Variants in AKAP19 observed in about 807,000 individuals in gnomAD.
AKAP19 encodes the protein A-kinase anchoring protein 19, also known as small A-kinase anchoring protein.
chr2:189,967,224 A>G, the AKAP19 span, among the ~76,000 whole-genome samples: 1 of 152,220 alleles, frequency 6.6e-6, no homozygotes, highest in Non-Finnish European at 1.5e-5. Context: ...CAGAGAAACA[A>G]GATAGAAGAA....
the AKAP19 span, among the ~76,000 whole-genome samples, chr2:190,084,609 A>G: frequency 2.0e-5 from 3 of 152,214 alleles, no homozygotes; most frequent in African/African-American, 7.2e-5. Context: ...TACAGACTAA[A>G]CAACTGAGAT....
At chr2:190,116,810 G>T in the AKAP19 span, among the ~76,000 whole-genome samples, 5 of 152,230 alleles carry the variant, frequency 3.3e-5, no homozygotes, top group African/African-American at 9.6e-5. Flanking sequence ...CTCTTGTATG[G>T]CTATTCAACT....
the AKAP19 span, among the ~76,000 whole-genome samples, chr2:190,114,882 A>C: frequency 6.6e-6 from 1 of 151,988 alleles, no homozygotes; most frequent in African/African-American, 2.4e-5. Flanking sequence ...GATCTTTTTG[A>C]AATTGTTACC....
the AKAP19 span, among the ~76,000 whole-genome samples, chr2:190,065,201 CAT>C: frequency 1.1e-4 from 16 of 152,180 alleles, no homozygotes; most frequent in Non-Finnish European, 5.9e-5. Flanking sequence ...GGCCCCCAAG[CAT>C]AGTGCTGACG....
the AKAP19 span, among the ~76,000 whole-genome samples, chr2:190,073,811 G>C: frequency 6.6e-6 from 1 of 152,046 alleles, no homozygotes. Context: ...CAGCACTTTG[G>C]GAGGCCAAGG....
chr2:190,164,455 G>A, the AKAP19 span, among the ~76,000 whole-genome samples: 4 of 152,142 alleles, frequency 2.6e-5, no homozygotes, highest in Non-Finnish European at 4.4e-5. Context: ...TGCTTGAGCC[G>A]TGGGGTGGAG....
chr2:189,897,154 G>C, the AKAP19 span, among the ~76,000 whole-genome samples: 5 of 152,030 alleles, frequency 3.3e-5, no homozygotes, highest in East Asian at 9.7e-4. Context: ...GCAAAGCTTG[G>C]GATATAGCAG....
chr2:190,133,679 A>T, the AKAP19 span, among the ~76,000 whole-genome samples: 2 of 152,208 alleles, frequency 1.3e-5, no homozygotes, highest in Non-Finnish European at 2.9e-5. Context: ...GAGTCTTGCC[A>T]TTTGCAATCA....
chr2:189,899,001 G>A, the AKAP19 span, among the ~76,000 whole-genome samples: 1 of 152,042 alleles, frequency 6.6e-6, no homozygotes, highest in African/African-American at 2.4e-5. Context: ...ACTTTGACAT[G>A]TTAAGTTGCT....
chr2:190,197,202 C>T, the AKAP19 span, among the ~76,000 whole-genome samples: 1 of 152,162 alleles, frequency 6.6e-6, no homozygotes, highest in African/African-American at 2.4e-5. This position sits in a 1 kb window ranked among gnomAD's most constrained non-coding sequence, Gnocchi z 4.0. Context: ...CATCCTAGCT[C>T]ACAAGCCTAA....
At chr2:190,087,081 T>C in the AKAP19 span, among the ~76,000 whole-genome samples, 1 of 152,234 alleles carries the variant, frequency 6.6e-6, no homozygotes, top group Non-Finnish European at 1.5e-5. Flanking sequence ...TTTTACACTT[T>C]CATTTTCAGA....
At chr2:190,181,310 ACC>A in the AKAP19 span, 1 of 258,352 alleles carries the variant, frequency 3.9e-6, no homozygotes, top group South Asian at 1.4e-4. Context: ...GTTAGCCCCT[ACC>A]CCTTCAATTT....
chr2:189,885,030 C>G, the AKAP19 span, among the ~76,000 whole-genome samples: 1 of 152,196 alleles, frequency 6.6e-6, no homozygotes, highest in African/African-American at 2.4e-5. Flanking sequence ...TATGTTTTCT[C>G]ATGGGACATC....
At chr2:190,062,128 A>G in the AKAP19 span, 3 of 1,336,560 alleles carry the variant, frequency 2.2e-6, no homozygotes, top group Non-Finnish European at 3.1e-6. Context: ...ACAGGCCAAC[A>G]GCTTGTTTAA....
chr2:190,127,087 G>A, the AKAP19 span, among the ~76,000 whole-genome samples: 1 of 151,608 alleles, frequency 6.6e-6, no homozygotes, highest in Non-Finnish European at 1.5e-5. Flanking sequence ...GCTGCACAAA[G>A]TAAGTCTTTC....
the AKAP19 span, among the ~76,000 whole-genome samples, chr2:190,044,400 G>T: frequency 6.6e-6 from 1 of 152,164 alleles, no homozygotes; most frequent in Non-Finnish European, 1.5e-5. Flanking sequence ...GCAGTGTGGG[G>T]CCCATGGGAA....
the AKAP19 span, among the ~76,000 whole-genome samples, chr2:189,891,375 C>A: frequency 6.6e-6 from 1 of 151,748 alleles, no homozygotes; most frequent in Admixed American, 6.6e-5. Context: ...AGCCCCATGC[C>A]ACCATGCCTG....
At chr2:189,958,836 C>T in the AKAP19 span, among the ~76,000 whole-genome samples, 2 of 151,824 alleles carry the variant, frequency 1.3e-5, no homozygotes, top group African/African-American at 4.8e-5. Flanking sequence ...CCATGTTGAA[C>T]AAAATAAAAG....
At chr2:189,903,794 A>G in the AKAP19 span, among the ~76,000 whole-genome samples, 1 of 151,508 alleles carries the variant, frequency 6.6e-6, no homozygotes, top group Non-Finnish European at 1.5e-5. Context: ...TTCCCCCACT[A>G]CTTCCCCTGA....
Sources: allele counts gnomAD v4.1 joint callset (sites outside exome capture counted in the v4.1 genomes callset), GRCh38; gene constraint gnomAD v4.1.1; non-coding constraint Gnocchi (gnomAD v3.1); transcripts MANE v1.5; gene names NCBI Gene and HGNC (gene_info 2026-07-23, HGNC 2026-07-21).